NBAS: variants seen among roughly 807,000 people sequenced by gnomAD.
NBAS encodes NAG/BC035112 fusion.
NBAS carries 219 observed loss-of-function variants against 302.5 expected under a neutral mutation model. That is an observed-to-expected ratio of 0.72 (90% CI 0.65 to 0.81). NBAS has a LOEUF of 0.81. NBAS is among the 30% of genes least tolerant of loss of function. The probability of loss-of-function intolerance (pLI) is 0.00; values close to 1 mark genes in which losing one functional copy is unlikely to be tolerated. For missense variants in NBAS, 2,932 were observed against 2,841.6 expected (o/e 1.03, Z -0.72); for synonymous variants, 1,118 against 1,021.6 (o/e 1.09, Z -1.80).
the NBAS span, among the ~76,000 whole-genome samples, chr2:14,882,250 A>C: frequency 6.6e-6 from 1 of 152,142 alleles, no homozygotes; most frequent in Admixed American, 6.5e-5. Context: ...GAACTGATCC[A>C]CACTTGAGTT....
the NBAS span, among the ~76,000 whole-genome samples, chr2:14,887,807 G>A: frequency 6.6e-6 from 1 of 151,730 alleles, no homozygotes; most frequent in Non-Finnish European, 1.5e-5. Flanking sequence ...CTTCTTATCT[G>A]CTATTAAAGC....
At chr2:14,798,446 A>C in the NBAS span, among the ~76,000 whole-genome samples, 2,287 of 152,244 alleles carry the variant, frequency 0.015, 25 homozygotes, top group Non-Finnish European at 0.023. Flanking sequence ...TTCATGATGT[A>C]ATTTTTAAAA....
At chr2:15,003,689 G>C in the NBAS span, among the ~76,000 whole-genome samples, 8 of 152,200 alleles carry the variant, frequency 5.3e-5, no homozygotes, top group Non-Finnish European at 8.8e-5. Context: ...CCAGCCAAGA[G>C]ATCTCTGAGC....
At chr2:14,783,274 G>A in the NBAS span, among the ~76,000 whole-genome samples, 5 of 152,072 alleles carry the variant, frequency 3.3e-5, no homozygotes, top group Non-Finnish European at 5.9e-5. Context: ...AGCCTAGTCA[G>A]ATTGCTGGAG....
the NBAS span, among the ~76,000 whole-genome samples, chr2:15,153,629 A>G: frequency 1.3e-5 from 2 of 152,212 alleles, no homozygotes; most frequent in African/African-American, 4.8e-5. Flanking sequence ...AAATTTTTAA[A>G]TCGTGTTATT....
At chr2:15,073,457 CAAG>C in the NBAS span, among the ~76,000 whole-genome samples, 1 of 119,772 alleles carries the variant, frequency 8.3e-6, no homozygotes, top group African/African-American at 3.9e-5. Context: ...GCCTGGGCAA[CAAG>C]AGTGAAACTC....
chr2:15,492,499 C>G (rs1011158919), intron 11 of NBAS, among the ~76,000 whole-genome samples: 16 of 152,198 alleles, frequency 1.1e-4, no homozygotes, highest in African/African-American at 3.6e-4. Context: ...CTCTGTCACC[C>G]AGGCTGGAGT....
chr2:15,211,295 TAAAG>T (rs1031881747), intron 48 of NBAS, among the ~76,000 whole-genome samples: 5 of 151,996 alleles, frequency 3.3e-5, no homozygotes, highest in African/African-American at 1.2e-4. Context: ...AGATAAAAAA[TAAAG>T]AAATGCAATG....
intron 28 of NBAS, among the ~76,000 whole-genome samples, chr2:15,387,545 T>C (rs1463544002): frequency 6.6e-6 from 1 of 152,220 alleles, no homozygotes; most frequent in African/African-American, 2.4e-5. Context: ...CACTCACTTA[T>C]TCTCACTTAT....
chr2:15,435,989 T>A (rs933965491), intron 21 of NBAS, among the ~76,000 whole-genome samples: 1 of 152,224 alleles, frequency 6.6e-6, no homozygotes, highest in Non-Finnish European at 1.5e-5. Flanking sequence ...ATTATTTCAT[T>A]TAATCGTGAA....
chr2:14,936,969 C>A, the NBAS span, among the ~76,000 whole-genome samples: 1 of 152,084 alleles, frequency 6.6e-6, no homozygotes, highest in South Asian at 2.1e-4. Context: ...AGCCTTAATA[C>A]CATGGGCAAA....
downstream of NBAS, among the ~76,000 whole-genome samples, chr2:15,163,953 C>T (rs993119419): frequency 2.6e-5 from 4 of 152,126 alleles, no homozygotes; most frequent in East Asian, 1.9e-4. Context: ...TGCGCCACCA[C>T]GCCTGGCTAA....
intron 21 of NBAS, among the ~76,000 whole-genome samples, chr2:15,450,864 TCAC>T (rs1678971539): frequency 6.6e-6 from 1 of 152,214 alleles, no homozygotes; most frequent in Non-Finnish European, 1.5e-5. Context: ...ATTATAAATT[TCAC>T]TCAAAAGAAG....
intron 41 of NBAS, among the ~76,000 whole-genome samples, chr2:15,292,035 C>T (rs1303265616): frequency 6.6e-6 from 1 of 152,204 alleles, no homozygotes; most frequent in African/African-American, 2.4e-5. Context: ...AGTGCAGTGG[C>T]ATGATCTCAG....
chr2:14,934,468 G>C, the NBAS span, among the ~76,000 whole-genome samples: 1 of 151,838 alleles, frequency 6.6e-6, no homozygotes, highest in Admixed American at 6.6e-5. Context: ...TAAGTCTATT[G>C]AGTCCGTAGT....
the NBAS span, among the ~76,000 whole-genome samples, chr2:14,794,614 CAT>C: frequency 5.3e-5 from 8 of 152,076 alleles, no homozygotes. Context: ...GTAAAGTTTA[CAT>C]ATAATAAATT....
rs550491195 is a variant in NBAS, at chr2:15,462,902, A to G, written c.2098-1111T>C. Among the ~76,000 whole-genome samples the G allele has an allele frequency of 3.9e-5, 6 of 152,320 alleles. No individual in the cohort carries two copies. In the South Asian group the frequency reaches 1.2e-3, roughly 32 times the overall value. ...AAGGGAACCTGCATCTGAAAAGTAG[A>G]TGGAGGAACAGTCAGAGAAGTAAAG... On this transcript the variant is annotated intron_variant, in intron 19 of 51. Coordinates refer to ENST00000281513, the MANE Select transcript of NBAS (RefSeq NM_015909.4).
At position 15,352,063 on chromosome 2, in the gene NBAS, T is replaced by G; in HGVS notation, c.4108A>C (p.Asn1370His). 6.2e-7 allele frequency: 1 copy of G among 1,610,136 alleles called. No homozygotes were observed. The highest frequency in any genetic ancestry group is 8.5e-7 in the Non-Finnish European group (1 of 1,176,532). The change falls in exon 35 of 52, where the codon AAT (asparagine) becomes CAT (histidine). Residue 1370 changes from asparagine to histidine, a missense_variant. Transcript: ENST00000281513. The stretch of plus-strand genomic sequence containing the variant: ...CCTCCTTCATGATGGATCTGGAAAT[T>G]CACTCTTTGATAAAGAATCTAAAAC... The part of the protein sequence containing the change: ...LQTEILYQRV[N>H]FQIHHEGGEN...
intron 22 of NBAS, among the ~76,000 whole-genome samples, chr2:15,426,270 T>C (rs1677470269): frequency 1.3e-5 from 2 of 152,316 alleles, no homozygotes; most frequent in South Asian, 2.1e-4. Context: ...CCAACTCCTT[T>C]TACATAACAT....
Sources: gnomAD v4.1 joint callset for allele counts (sites outside exome capture counted in the v4.1 genomes callset) on GRCh38, gnomAD v4.1.1 for gene constraint, MANE v1.5 for transcripts, NCBI Gene and HGNC (gene_info 2026-07-23, HGNC 2026-07-21) for gene names.